Variants in PKD1L3 observed in about 807,000 individuals in gnomAD.
The protein encoded by PKD1L3 is polycystin-1-like protein 3.
A neutral mutation model predicts 184.1 loss-of-function variants in PKD1L3; 239 were observed. The ratio of observed to expected loss-of-function variants is 1.30; its 90% CI spans 1.17 to 1.45. PKD1L3 has a LOEUF of 1.45. Among genes scored for constraint, PKD1L3 ranks in the 40% most tolerant of loss-of-function variants. PKD1L3 has a pLI of 0.00. For synonymous variants in PKD1L3, 996 were observed against 778.8 expected (o/e 1.28, Z -4.64); for missense variants, 2,660 against 2,067.2 (o/e 1.29, Z -5.56).
chr16:71,935,045 G>A (rs536568098), intron 26 of PKD1L3, among the ~76,000 whole-genome samples: 73 of 152,352 alleles, frequency 4.8e-4, no homozygotes, highest in Middle Eastern at 6.8e-3. Context: ...ATTATTTGTC[G>A]TGCGTTAGGC....
chr16:71,930,792 GT>G (rs1567482617), intron 28 of PKD1L3: 1 of 152,058 alleles, frequency 6.6e-6, no homozygotes, highest in Middle Eastern at 3.2e-3. Flanking sequence ...AAATTTAGAT[GT>G]TCTTTTTCAA....
chr16:71,972,248 A>G lies in PKD1L3; in HGVS notation c.1953+1076T>C, dbSNP rs546683115. ...ACACAAAAAAACAAAAAAAAACAAT[A>G]ATTAGCTGGGTGTGGTGGTGCATGC... On this transcript the variant is annotated intron_variant, in intron 12 of 29. Transcript: ENST00000620267. 3.8e-4 allele frequency among the ~76,000 whole-genome samples: 58 copies of G among 151,792 alleles called. 1 individual carries two copies. The South Asian group carries it at 0.012, about 31-fold the overall frequency.
intron 16 of PKD1L3, among the ~76,000 whole-genome samples, chr16:71,957,152 A>G (rs928697572): frequency 1.4e-4 from 22 of 152,214 alleles, no homozygotes; most frequent in Admixed American, 9.8e-4. Context: ...ATACGACAAA[A>G]GAATACGGTA....
chr16:71,974,019 TA>T (rs11323081), intron 11 of PKD1L3, among the ~76,000 whole-genome samples: 221 of 11,688 alleles, frequency 0.019, 1 homozygote, highest in African/African-American at 0.031. Context: ...AAAAAAAATA[TA>T]TATATTCTTC....
chr16:71,981,325 A>G (rs1009299076), intron 7 of PKD1L3, among the ~76,000 whole-genome samples: 5 of 152,212 alleles, frequency 3.3e-5, no homozygotes, highest in African/African-American at 9.7e-5. Flanking sequence ...AAGTGGCTGC[A>G]TCATTTTACA....
chr16:71,977,018 T>A (rs1244839357), intron 11 of PKD1L3, among the ~76,000 whole-genome samples: 3 of 152,230 alleles, frequency 2.0e-5, no homozygotes, highest in Admixed American at 2.0e-4. Flanking sequence ...GCTGGGATTA[T>A]AGGCGCAAGC....
intron 16 of PKD1L3, among the ~76,000 whole-genome samples, chr16:71,960,425 G>C: frequency 6.6e-6 from 1 of 151,870 alleles, no homozygotes; most frequent in East Asian, 1.9e-4. Flanking sequence ...AGGGCTGAAA[G>C]TAAAAAGATA....
chr16:71,937,811 C>CTAAAAG (rs1411837703), intron 24 of PKD1L3, among the ~76,000 whole-genome samples: 3 of 152,154 alleles, frequency 2.0e-5, no homozygotes, highest in Non-Finnish European at 4.4e-5. Flanking sequence ...TAAGGATGGA[C>CTAAAAG]TAAAAGGCTT....
Position 71,953,090 on chromosome 16 carries a change from C to T in PKD1L3, c.2813G>A (p.Arg938His), listed in dbSNP as rs1471379198. ...TTCAGACCAGGCCACAGCAAATGGA[C>T]GCACTGAAAGAAAAGCATGACATCA... ...STTAKRDEQM[R>H]PFAVAWSELL... The change falls in exon 18 of 30, where the codon CGT (arginine) becomes CAT (histidine). Residue 938 changes from arginine to histidine, a missense_variant. Coordinates refer to ENST00000620267, the MANE Select transcript of PKD1L3 (RefSeq NM_181536.2). 1.5e-5 allele frequency: 21 copies of T among 1,447,908 alleles called. No individual in the cohort carries two copies. Among genetic ancestry groups the T allele is most frequent in the African/African-American group, 4.4e-5 (3 of 67,454 alleles). 89.7% of individuals were successfully genotyped at this position (1,447,908 alleles called of 1,614,324 possible).
Position 71,933,904 on chromosome 16 carries a change from T to C in PKD1L3, c.4824+11A>G, listed in dbSNP as rs904875278. The stretch of plus-strand genomic sequence containing the variant: ...ACACGGAGAAGGAGAGACAGCAACG[T>C]GGGGGCTTACGGCAATGGCATAGCC... On this transcript the variant is annotated intron_variant, in intron 27 of 29. Transcript: ENST00000620267. The C allele has an allele frequency of 6.5e-7, 1 of 1,549,360 alleles. No individual in the cohort carries two copies. The highest frequency in any genetic ancestry group is 8.7e-7 in the Non-Finnish European group (1 of 1,145,362).
At chr16:71,964,561 G>A (rs529279870) in intron 15 of PKD1L3, among the ~76,000 whole-genome samples, 1 of 151,362 alleles carries the variant, frequency 6.6e-6, no homozygotes, top group African/African-American at 2.4e-5. Flanking sequence ...GGATGGTCTC[G>A]ATCTCCTGAC....
In PKD1L3 at chr16:71,935,409, CTCT is replaced by C. The variant is rs1567487935; in HGVS notation, c.4559_4561del (p.Lys1520del). The C allele has an allele frequency of 6.4e-7, 1 of 1,551,892 alleles. No individual in the cohort carries two copies. The highest frequency in any genetic ancestry group is 1.2e-5 in the South Asian group (1 of 84,064). On this transcript the variant is annotated inframe_deletion, in exon 26 of 30. Coordinates refer to ENST00000620267, the MANE Select transcript of PKD1L3 (RefSeq NM_181536.2). Reference sequence around the variant, plus strand: ...CATGTTTTTCTTATGTAGAGAAATACTCTTCATGTCAAGCCCCAGGAGGATGAA... The same window carrying C: ...CATGTTTTTCTTATGTAGAGAAATACTCATGTCAAGCCCCAGGAGGATGAA...
Position 71,963,227 on chromosome 16 carries a change from T to C in PKD1L3, c.2590A>G (p.Lys864Glu). The C allele has an allele frequency of 6.4e-7, 1 of 1,550,598 alleles. No homozygotes were observed. Among genetic ancestry groups the C allele is most frequent in the Non-Finnish European group, 8.7e-7 (1 of 1,146,456 alleles). The change falls in exon 16 of 30, where the codon AAG (lysine) becomes GAG (glutamate). Residue 864 changes from lysine to glutamate, a missense_variant. Lys to Glu is a moderately conservative substitution (Grantham distance 56). Coordinates refer to ENST00000620267, the MANE Select transcript of PKD1L3 (RefSeq NM_181536.2). ...ELDRVFIPVS[K>E]RELFSFRHLF... ...TACCTAAAGGAAAAGAGCTCTCTCT[T>C]TGAAACTGGGATGAAGACCCGGTCA...
At chr16:71,974,559 C>T (rs929155634) in intron 11 of PKD1L3, among the ~76,000 whole-genome samples, 2 of 152,186 alleles carry the variant, frequency 1.3e-5, no homozygotes, top group African/African-American at 4.8e-5. Context: ...GCATATGCGC[C>T]TGCAGTCCCA....
intron 17 of PKD1L3, among the ~76,000 whole-genome samples, chr16:71,953,867 C>A (rs2038943950): frequency 6.6e-6 from 1 of 152,150 alleles, no homozygotes; most frequent in Non-Finnish European, 1.5e-5. Context: ...TATCACACCA[C>A]ATGATTCTGT....
At chr16:71,982,734 C>T (rs1469661839) in intron 6 of PKD1L3, among the ~76,000 whole-genome samples, 1 of 152,048 alleles carries the variant, frequency 6.6e-6, no homozygotes, top group Non-Finnish European at 1.5e-5. Flanking sequence ...GTAGCTAGGA[C>T]ACAGGTGGGT....
chr16:71,990,926 G>A (rs1247228984), intron 3 of PKD1L3, among the ~76,000 whole-genome samples: 1 of 152,010 alleles, frequency 6.6e-6, no homozygotes, highest in African/African-American at 2.4e-5. Context: ...ATCCTTAATA[G>A]AACGAAAAAG....
intron 21 of PKD1L3, among the ~76,000 whole-genome samples, chr16:71,948,519 C>T (rs770601600): frequency 6.6e-6 from 1 of 152,128 alleles, no homozygotes; most frequent in Admixed American, 6.5e-5. Flanking sequence ...CTGCGCCCAG[C>T]CACTATGGAT....
intron 5 of PKD1L3, among the ~76,000 whole-genome samples, chr16:71,984,687 T>C (rs933233698): frequency 2.6e-5 from 4 of 152,176 alleles, no homozygotes; most frequent in African/African-American, 9.7e-5. Flanking sequence ...AGCAAAACCC[T>C]GTCTCTACTA....
Sources: gnomAD v4.1 joint callset for allele counts (sites outside exome capture counted in the v4.1 genomes callset) on GRCh38, gnomAD v4.1.1 for gene constraint, MANE v1.5 for transcripts, NCBI Gene and HGNC (gene_info 2026-07-23, HGNC 2026-07-21) for gene names.